Variants in AKT3 observed in about 807,000 individuals in gnomAD.
AKT3 encodes the protein AKT serine/threonine kinase 3, also known as RAC-gamma serine/threonine-protein kinase.
A neutral mutation model predicts 65.3 loss-of-function variants in AKT3; 15 were observed. The ratio of observed to expected loss-of-function variants is 0.23; its 90% CI spans 0.15 to 0.35. The LOEUF (loss-of-function observed/expected upper bound fraction) is 0.35, where lower values mean the gene tolerates loss of function less well. Ranked by LOEUF, AKT3 falls within the 10% of genes least tolerant of loss-of-function variation. AKT3 has a pLI of 1.00. For synonymous variants in AKT3, 206 were observed against 183.8 expected (o/e 1.12, Z -0.98); for missense variants, 243 against 576.5 (o/e 0.42, Z 5.92).
At chr1:243,495,185 C>T (rs575661465), downstream of AKT3, among the ~76,000 whole-genome samples, 220 of 152,336 alleles carry the variant, frequency 1.4e-3, no homozygotes, top group Non-Finnish European at 2.5e-3. Flanking sequence ...CAGGTGGCAC[C>T]GCAGAGCCAG....
chr1:243,492,116 G>GTT (rs924482907), intron 13 of AKT3, among the ~76,000 whole-genome samples: 2 of 151,754 alleles, frequency 1.3e-5, no homozygotes, highest in Non-Finnish European at 2.9e-5. Context: ...TATTCTAATT[G>GTT]TTTCTGCTTG....
At chr1:243,570,443 A>G (rs1674476244) in intron 9 of AKT3, among the ~76,000 whole-genome samples, 1 of 152,222 alleles carries the variant, frequency 6.6e-6, no homozygotes, top group Admixed American at 6.5e-5. Flanking sequence ...GATTTCCCAA[A>G]GTTAATCCAA....
downstream of AKT3, among the ~76,000 whole-genome samples, chr1:243,498,480 C>G (rs1246978349): frequency 6.6e-6 from 1 of 152,144 alleles, no homozygotes; most frequent in African/African-American, 2.4e-5. Flanking sequence ...CTGCCGGAGC[C>G]CCACCTGCAT....
intron 2 of AKT3, among the ~76,000 whole-genome samples, chr1:243,779,102 C>A (rs1366343074): frequency 6.6e-6 from 1 of 151,998 alleles, no homozygotes; most frequent in Non-Finnish European, 1.5e-5. Context: ...CAGCCTCATG[C>A]AGATATGAAT....
intron 2 of AKT3, chr1:243,735,598 G>C (rs1210070736): frequency 1.3e-5 from 2 of 152,098 alleles, no homozygotes; most frequent in Non-Finnish European, 2.9e-5. Flanking sequence ...AGAGACTACT[G>C]TAACATACCT....
At chr1:243,628,033 T>C (rs1476494120) in intron 6 of AKT3, among the ~76,000 whole-genome samples, 2 of 152,228 alleles carry the variant, frequency 1.3e-5, no homozygotes, top group Admixed American at 1.3e-4. Context: ...AGCCCATGAA[T>C]GCTGTCCAGC....
At chr1:243,691,338 A>C (rs1294397230) in intron 3 of AKT3, among the ~76,000 whole-genome samples, 1 of 152,208 alleles carries the variant, frequency 6.6e-6, no homozygotes, top group Non-Finnish European at 1.5e-5. Context: ...TGTATTAAGA[A>C]AGCTGAACTT....
At chr1:243,660,684 C>T in intron 4 of AKT3, among the ~76,000 whole-genome samples, 1 of 152,136 alleles carries the variant, frequency 6.6e-6, no homozygotes. Context: ...CACTCCTGTT[C>T]AACATAGTGT....
chr1:243,694,689 C>A (rs1047162944), intron 3 of AKT3, among the ~76,000 whole-genome samples: 4 of 151,778 alleles, frequency 2.6e-5, no homozygotes, highest in Non-Finnish European at 5.9e-5. Flanking sequence ...AAAAAGATCA[C>A]GGCTTTTATA....
At chr1:243,833,854 G>GT (rs1475315049) in intron 2 of AKT3, among the ~76,000 whole-genome samples, 1 of 151,908 alleles carries the variant, frequency 6.6e-6, no homozygotes, top group Non-Finnish European at 1.5e-5. Context: ...GAGGCCAGGA[G>GT]TTTGAGACCA....
At chr1:243,578,448 C>T (rs994527804) in intron 8 of AKT3, among the ~76,000 whole-genome samples, 1 of 152,138 alleles carries the variant, frequency 6.6e-6, no homozygotes, top group Admixed American at 6.5e-5. Flanking sequence ...AAACCAAACA[C>T]CGCTTGTTCT....
At chr1:243,532,284 T>C (rs1671593013) in intron 12 of AKT3, among the ~76,000 whole-genome samples, 1 of 152,208 alleles carries the variant, frequency 6.6e-6, no homozygotes, top group Non-Finnish European at 1.5e-5. Flanking sequence ...GGACAGTCTT[T>C]CCAAGAATTT....
intron 8 of AKT3, among the ~76,000 whole-genome samples, chr1:243,601,998 T>G (rs1053681593): frequency 6.6e-6 from 1 of 152,296 alleles, no homozygotes; most frequent in African/African-American, 2.4e-5. Context: ...GAAATGGCCA[T>G]GCTCTGCCAT....
At chr1:243,799,823 A>T (rs1402592831) in intron 2 of AKT3, among the ~76,000 whole-genome samples, 1 of 152,228 alleles carries the variant, frequency 6.6e-6, no homozygotes, top group Non-Finnish European at 1.5e-5. Flanking sequence ...AGCTGCTTTC[A>T]ATAAATGCTC....
chr1:243,598,130 C>G (rs1425964514), intron 8 of AKT3, among the ~76,000 whole-genome samples: 1 of 151,918 alleles, frequency 6.6e-6, no homozygotes, highest in Non-Finnish European at 1.5e-5. Flanking sequence ...CAGCACCATG[C>G]CTAGTATATG....
intron 2 of AKT3, among the ~76,000 whole-genome samples, chr1:243,776,465 C>T (rs1690554492): frequency 6.6e-6 from 1 of 152,058 alleles, no homozygotes; most frequent in Non-Finnish European, 1.5e-5. Context: ...TCAGAAGAGA[C>T]CCAAAAGAGC....
chr1:243,843,508 C>G (rs2148478308), intron 1 of AKT3: 1 of 1,085,028 alleles, frequency 9.2e-7, no homozygotes, highest in East Asian at 5.0e-5. Context: ...TAAGAGGTTG[C>G]AACAAAAAAG....
At chr1:243,725,140 T>G (rs1216479824) in intron 2 of AKT3, among the ~76,000 whole-genome samples, 1 of 150,524 alleles carries the variant, frequency 6.6e-6, no homozygotes, top group Non-Finnish European at 1.5e-5. Context: ...GAGGATGCAG[T>G]GAGCTATGAT....
At chr1:243,507,385 C>T (rs1322887617) in intron 13 of AKT3, among the ~76,000 whole-genome samples, 1 of 152,236 alleles carries the variant, frequency 6.6e-6, no homozygotes, top group African/African-American at 2.4e-5. Flanking sequence ...TCACAGATAT[C>T]CCTGAGGGCC....
Sources: gnomAD v4.1 joint callset for allele counts (sites outside exome capture counted in the v4.1 genomes callset) on GRCh38, gnomAD v4.1.1 for gene constraint, MANE v1.5 for transcripts, NCBI Gene and HGNC (gene_info 2026-07-23, HGNC 2026-07-21) for gene names.